Variants in STK32A observed in about 807,000 individuals in gnomAD.
The protein encoded by STK32A is serine/threonine-protein kinase 32A.
Under a neutral mutation model 53.2 loss-of-function variants are expected in STK32A, and 41 were observed. That is an observed-to-expected ratio of 0.77 (90% CI 0.60 to 1.00). The LOEUF is 1.00. Among genes scored for constraint, STK32A ranks in the 50% least tolerant of loss-of-function variants. The pLI is 0.00. For missense variants in STK32A, 458 were observed against 485.8 expected (o/e 0.94, Z 0.54); for synonymous variants, 166 against 162.8 (o/e 1.02, Z -0.15).
At chr5:147,393,735 C>G in the STK32A span, 2 of 352,398 alleles carry the variant, frequency 5.7e-6, no homozygotes, top group Non-Finnish European at 1.1e-5. Context: ...TGCAGCACTA[C>G]ACACGCTCTC....
chr5:147,257,979 G>A (rs976567402), intron 2 of STK32A, among the ~76,000 whole-genome samples: 2 of 151,630 alleles, frequency 1.3e-5, no homozygotes, highest in South Asian at 2.1e-4. Flanking sequence ...GACCAAAGAA[G>A]GCCAAACACC....
intron 4 of STK32A, among the ~76,000 whole-genome samples, chr5:147,299,025 G>A (rs1753001995): frequency 6.6e-6 from 1 of 152,108 alleles, no homozygotes; most frequent in East Asian, 1.9e-4. Flanking sequence ...TACCCCAAGA[G>A]AGGGTTCTTG....
At chr5:147,376,393 G>A (rs774258404) in intron 11 of STK32A, among the ~76,000 whole-genome samples, 2 of 152,006 alleles carry the variant, frequency 1.3e-5, no homozygotes, top group Admixed American at 6.6e-5. Context: ...TAACCAACCC[G>A]CTTCTCCAGA....
At chr5:147,325,694 A>C (rs1754550263) in intron 5 of STK32A, among the ~76,000 whole-genome samples, 1 of 152,112 alleles carries the variant, frequency 6.6e-6, no homozygotes, top group Non-Finnish European at 1.5e-5. Context: ...GGATCTCAGA[A>C]GTGAATTTGC....
intron 2 of STK32A, among the ~76,000 whole-genome samples, chr5:147,273,743 G>A (rs1755143630): frequency 1.3e-5 from 2 of 152,252 alleles, no homozygotes; most frequent in Admixed American, 6.5e-5. Context: ...TTTTAAAAAA[G>A]GTACATTTCT....
At chr5:147,336,945 G>C (rs17106473) in intron 5 of STK32A, among the ~76,000 whole-genome samples, 8,790 of 152,294 alleles carry the variant, frequency 0.058, 865 homozygotes, top group African/African-American at 0.2. Context: ...TGAAGGAGTT[G>C]ATTTTGGTTT....
chr5:147,295,209 C>T (rs950537946), intron 4 of STK32A, among the ~76,000 whole-genome samples: 12 of 152,132 alleles, frequency 7.9e-5, no homozygotes, highest in African/African-American at 2.7e-4. Flanking sequence ...TTTATGGTTA[C>T]ACAATGCTTA....
At chr5:147,395,995 G>T in the STK32A span, among the ~76,000 whole-genome samples, 1 of 152,140 alleles carries the variant, frequency 6.6e-6, no homozygotes, top group Non-Finnish European at 1.5e-5. Flanking sequence ...GGTTGCCAGA[G>T]GGAGGAGGTT....
At chr5:147,397,625 A>T in the STK32A span, 7 of 1,586,872 alleles carry the variant, frequency 4.4e-6, no homozygotes, top group Non-Finnish European at 6.0e-6. Context: ...TGAGTGGAAC[A>T]CAAAGCTCCT....
At chr5:147,309,738 T>A (rs1221032605) in intron 4 of STK32A, among the ~76,000 whole-genome samples, 1 of 152,150 alleles carries the variant, frequency 6.6e-6, no homozygotes, top group Non-Finnish European at 1.5e-5. Flanking sequence ...TACTAATATA[T>A]TACATGTATA....
intron 2 of STK32A, among the ~76,000 whole-genome samples, chr5:147,268,198 T>C (rs1387261984): frequency 6.6e-6 from 1 of 152,224 alleles, no homozygotes. Context: ...ATTGCAGTTA[T>C]TTATTTATGT....
chr5:147,366,474 T>C (rs1488161684), intron 8 of STK32A, among the ~76,000 whole-genome samples: 1 of 152,218 alleles, frequency 6.6e-6, no homozygotes, highest in Non-Finnish European at 1.5e-5. Flanking sequence ...GAGGTTTTTC[T>C]AGATCTCTTT....
intron 4 of STK32A, among the ~76,000 whole-genome samples, chr5:147,314,446 G>A (rs571499322): frequency 2.7e-5 from 4 of 148,592 alleles, no homozygotes; most frequent in Admixed American, 1.4e-4. Flanking sequence ...TGCAGGGCGT[G>A]GAGATTGTGC....
chr5:147,242,943 A>C (rs942127538), intron 2 of STK32A, among the ~76,000 whole-genome samples: 1 of 152,200 alleles, frequency 6.6e-6, no homozygotes, highest in South Asian at 2.1e-4. Flanking sequence ...AGCACTGATT[A>C]ACCAAACAAC....
chr5:147,382,043 G>A (rs1757474015), intron 11 of STK32A, among the ~76,000 whole-genome samples: 1 of 143,220 alleles, frequency 7.0e-6, no homozygotes, highest in Non-Finnish European at 1.5e-5. Context: ...CACATTCAAA[G>A]CCATCCTGAG....
At chr5:147,357,938 T>G (rs1324960196) in intron 7 of STK32A, among the ~76,000 whole-genome samples, 2 of 152,092 alleles carry the variant, frequency 1.3e-5, no homozygotes, top group Non-Finnish European at 2.9e-5. Flanking sequence ...TCTTGTAGCT[T>G]TATAGGTTAA....
chr5:147,376,426 C>G (rs1340638824), intron 11 of STK32A, among the ~76,000 whole-genome samples: 1 of 152,160 alleles, frequency 6.6e-6, no homozygotes, highest in African/African-American at 2.4e-5. Flanking sequence ...CCTGACCTAG[C>G]AGAACTTGGC....
At chr5:147,257,791 A>T (rs1216693732) in intron 2 of STK32A, among the ~76,000 whole-genome samples, 2 of 152,102 alleles carry the variant, frequency 1.3e-5, no homozygotes, top group Non-Finnish European at 2.9e-5. Context: ...TAGGGGTGGT[A>T]CCTGTGCTAA....
intron 2 of STK32A, among the ~76,000 whole-genome samples, chr5:147,256,636 C>T (rs1373142947): frequency 6.6e-5 from 10 of 152,164 alleles, no homozygotes; most frequent in Middle Eastern, 3.4e-3. Context: ...CTCAGCCTCC[C>T]GAGTAGCTGG....
Sources: allele counts gnomAD v4.1 joint callset (sites outside exome capture counted in the v4.1 genomes callset), GRCh38; gene constraint gnomAD v4.1.1; transcripts MANE v1.5; gene names NCBI Gene and HGNC (gene_info 2026-07-23, HGNC 2026-07-21).